Variants in MYO16 observed in about 807,000 individuals in gnomAD.
MYO16 encodes unconventional myosin-XVI.
A neutral mutation model predicts 205.3 loss-of-function variants in MYO16; 94 were observed. The observed-to-expected ratio is 0.46, with a 90% CI of 0.39 to 0.54. The LOEUF (loss-of-function observed/expected upper bound fraction) is 0.54, where lower values mean the gene tolerates loss of function less well. MYO16 is among the 20% of genes least tolerant of loss of function. The pLI, the probability that MYO16 is intolerant of heterozygous loss-of-function variation, is 0.00. For synonymous variants in MYO16, 988 were observed against 954.0 expected (o/e 1.04, Z -0.66); for missense variants, 2,315 against 2,387.5 (o/e 0.97, Z 0.63).
chr13:108,738,409 G>T lies in MYO16; in HGVS notation c.507+10826G>T, dbSNP rs543550093. Among the ~76,000 whole-genome samples, 50 of 68,146 alleles carry T rather than the reference G, an allele frequency of 7.3e-4. No homozygotes were observed. In the East Asian group the frequency reaches 0.02, roughly 28 times the overall value. The allele number at this position is 68,146 out of a possible 152,430, so 44.7% of individuals were successfully genotyped here. The stretch of plus-strand genomic sequence containing the variant: ...CGTTATGTACCCAGTAGTCATTCAG[G>T]AGCAGGTTGTGTTCAGTTTCCATGT... On this transcript the variant is annotated intron_variant, in intron 4 of 34. Coordinates refer to ENST00000457511, the MANE Select transcript of MYO16 (RefSeq NM_001198950.3).
At chr13:108,836,759 A>C (rs1045801197) in intron 9 of MYO16, among the ~76,000 whole-genome samples, 1 of 152,168 alleles carries the variant, frequency 6.6e-6, no homozygotes, top group Non-Finnish European at 1.5e-5. Context: ...TTGGACTTGC[A>C]TGGGGCCTGT....
chr13:109,140,722 T>A lies in MYO16; in HGVS notation c.4510T>A (p.Phe1504Ile). 1 of 1,502,662 alleles carries A rather than the reference T, an allele frequency of 6.7e-7. No individual in the cohort carries two copies. The highest frequency in any genetic ancestry group is 1.3e-5 in the South Asian group (1 of 78,164). The allele number at this position is 1,502,662 out of a possible 1,614,324, so 93.1% of individuals were successfully genotyped here. A position where few individuals can be genotyped will look rare whatever the true frequency, so the allele number is the denominator to read the frequency against. Reference sequence around the variant, plus strand: ...GGACGCGTGCGACATCCCGCCGCCCTTCCCCAACCTGCTGCCGCACCGGCC... The same window carrying A: ...GGACGCGTGCGACATCCCGCCGCCCATCCCCAACCTGCTGCCGCACCGGCC... Reference protein sequence around the residue: ...PGDACDIPPPFPNLLPHRPPL... With the variant: ...PGDACDIPPPIPNLLPHRPPL... Residue 1504 changes from phenylalanine (F) to isoleucine (I), a missense_variant, in exon 32 of 35, where the codon TTC becomes ATC. This residue lies in a region of MYO16 where 1,097 missense variants were observed against 1,092.0 expected (regional missense o/e 1.00). Coordinates refer to ENST00000457511, the MANE Select transcript of MYO16 (RefSeq NM_001198950.3). This position sits in a 1 kb window ranked among gnomAD's most constrained non-coding sequence, Gnocchi z 8.0.
intron 4 of MYO16, among the ~76,000 whole-genome samples, chr13:108,729,394 ATAG>A (rs1884448343): frequency 6.6e-6 from 1 of 152,250 alleles, no homozygotes; most frequent in Admixed American, 6.5e-5. Flanking sequence ...AACTACGTTC[ATAG>A]TAGTTGTTTG....
intron 27 of MYO16, among the ~76,000 whole-genome samples, chr13:109,087,159 G>A (rs1888457621): frequency 6.6e-6 from 1 of 152,194 alleles, no homozygotes; most frequent in South Asian, 2.1e-4. Context: ...TGTAAAACCA[G>A]CCATGTGGTC....
intron 17 of MYO16, 23 bp from the exon 18 acceptor site, chr13:108,961,516 C>G: frequency 1.9e-6 from 3 of 1,577,944 alleles, no homozygotes; most frequent in Non-Finnish European, 2.6e-6. Context: ...CCTATTCATT[C>G]TCTCTGTTTG....
chr13:108,766,570 G>T (rs1049343635), intron 4 of MYO16, among the ~76,000 whole-genome samples: 4 of 152,084 alleles, frequency 2.6e-5, no homozygotes, highest in African/African-American at 9.7e-5. Flanking sequence ...TTATAAAATC[G>T]CCTTCATACC....
upstream of MYO16, among the ~76,000 whole-genome samples, chr13:108,592,447 T>C (rs546978660): frequency 2.8e-4 from 16 of 57,314 alleles, no homozygotes; most frequent in African/African-American, 1.2e-3. Flanking sequence ...GTTGGGGGTA[T>C]GAGGGTGTGG....
chr13:109,136,105 T>G (rs575509830), intron 31 of MYO16, among the ~76,000 whole-genome samples: 2 of 151,800 alleles, frequency 1.3e-5, no homozygotes, highest in Non-Finnish European at 2.9e-5. Flanking sequence ...TTCCTTTTTT[T>G]GTTTTTGAGA....
intron 1 of MYO16, among the ~76,000 whole-genome samples, chr13:108,643,986 T>C (rs1407174433): frequency 6.6e-6 from 1 of 152,160 alleles, no homozygotes; most frequent in Non-Finnish European, 1.5e-5. Context: ...CATTCTACTT[T>C]CAAAAAATCT....
At chr13:108,810,669 CT>C in intron 7 of MYO16, among the ~76,000 whole-genome samples, 1 of 152,102 alleles carries the variant, frequency 6.6e-6, no homozygotes, top group African/African-American at 2.4e-5. Flanking sequence ...TTATAACTCT[CT>C]CTGAAGAAAT....
intron 23 of MYO16, among the ~76,000 whole-genome samples, chr13:109,023,118 TA>T (rs1206227444): frequency 7.6e-6 from 1 of 131,822 alleles, no homozygotes; most frequent in Admixed American, 8.6e-5. Flanking sequence ...TATATACATA[TA>T]ACAATATATA....
At chr13:109,165,134 T>TA in intron 33 of MYO16, 75 bp downstream of exon 33, 2 of 1,172,440 alleles carry the variant, frequency 1.7e-6, no homozygotes, top group Non-Finnish European at 2.4e-6. Context: ...GGAATGGATT[T>TA]AAAATATGAA....
rs1880645498 is a variant in MYO16 at position 109,207,307 on chromosome 13, C to T, written c.*471C>T. On this transcript the variant is annotated 3_prime_UTR_variant, in exon 35 of 35. Coordinates refer to ENST00000457511, the MANE Select transcript of MYO16 (RefSeq NM_001198950.3). Reference sequence around the variant, plus strand: ...ACTTGTGTTTTATTGGTATTATAAACCTGATAATTATTTACATGTTTATTA... The same window carrying T: ...ACTTGTGTTTTATTGGTATTATAAATCTGATAATTATTTACATGTTTATTA... 1 of 152,236 alleles carries T rather than the reference C, an allele frequency of 6.6e-6. No individual in the cohort carries two copies. The highest frequency in any genetic ancestry group is 1.5e-5 in the Non-Finnish European group (1 of 68,176). The allele number at this position is 152,236 out of a possible 1,614,324, so 9.4% of individuals were successfully genotyped here. A position where few individuals can be genotyped will look rare whatever the true frequency, so the allele number is the denominator to read the frequency against.
At chr13:108,626,908 ATATAT>A (rs954637393), upstream of MYO16, among the ~76,000 whole-genome samples, 57 of 146,730 alleles carry the variant, frequency 3.9e-4, no homozygotes, top group African/African-American at 1.3e-3. Flanking sequence ...TGTATATTAT[ATATAT>A]TATATATAGC....
intron 1 of MYO16, among the ~76,000 whole-genome samples, chr13:108,605,115 C>A (rs1007663122): frequency 5.9e-5 from 9 of 152,136 alleles, no homozygotes; most frequent in African/African-American, 1.9e-4. Flanking sequence ...TTATCATAGT[C>A]CTGTATCACA....
chr13:109,191,421 A>G (rs1879910659), intron 34 of MYO16, among the ~76,000 whole-genome samples: 1 of 152,124 alleles, frequency 6.6e-6, no homozygotes, highest in African/African-American at 2.4e-5. Context: ...AAAAGGAAAA[A>G]ATCATATGGA....
chr13:108,798,176 T>G (rs1162907726), intron 6 of MYO16, among the ~76,000 whole-genome samples: 1 of 152,174 alleles, frequency 6.6e-6, no homozygotes, highest in East Asian at 1.9e-4. Context: ...TTCCTTGTGT[T>G]TTCTGTTCTG....
intron 3 of MYO16, among the ~76,000 whole-genome samples, chr13:108,720,015 G>A (rs912199734): frequency 2.0e-5 from 3 of 152,124 alleles, no homozygotes; most frequent in African/African-American, 7.2e-5. Flanking sequence ...GATGTGGTTC[G>A]GTGTTTAGAG....
chr13:108,716,357 A>G (rs1883945248), intron 3 of MYO16, among the ~76,000 whole-genome samples: 1 of 152,078 alleles, frequency 6.6e-6, no homozygotes, highest in African/African-American at 2.4e-5. Context: ...CACTTTATTA[A>G]CTCCCAACCC....
Sources: allele counts gnomAD v4.1 joint callset (sites outside exome capture counted in the v4.1 genomes callset), GRCh38; gene constraint gnomAD v4.1.1; regional missense constraint gnomAD v4.1.1; non-coding constraint Gnocchi (gnomAD v3.1); transcripts MANE v1.5; gene names NCBI Gene and HGNC (gene_info 2026-07-23, HGNC 2026-07-21).